Variants in METTL22 observed in about 807,000 individuals in gnomAD.
The protein encoded by METTL22 is methyltransferase 22, Kin17 lysine.
Under a neutral mutation model 48.4 loss-of-function variants are expected in METTL22, and 51 were observed. The observed-to-expected ratio is 1.05, with a 90% CI of 0.84 to 1.33. The LOEUF is 1.33. Ranked by LOEUF, METTL22 falls within the 40% of genes most tolerant of loss-of-function variation. METTL22 has a pLI of 0.00. For missense variants in METTL22, 678 were observed against 526.9 expected (o/e 1.29, Z -2.81); for synonymous variants, 255 against 214.1 (o/e 1.19, Z -1.67).
At chr16:8,633,323 G>T (rs984767932) in intron 3 of METTL22, among the ~76,000 whole-genome samples, 3 of 152,212 alleles carry the variant, frequency 2.0e-5, no homozygotes, top group Middle Eastern at 3.4e-3. Context: ...AGAAAAGGCC[G>T]GGCACGGTGG....
the METTL22 span, among the ~76,000 whole-genome samples, chr16:8,654,968 C>T: frequency 6.6e-6 from 1 of 152,102 alleles, no homozygotes. Flanking sequence ...TGAAGGTGGA[C>T]ATAAATCCAG....
chr16:8,651,403 A>AAAAAAAAAAAAAAAAAAAAAAAAT, downstream of METTL22, among the ~76,000 whole-genome samples: 1 of 149,992 alleles, frequency 6.7e-6, no homozygotes, highest in African/African-American at 2.5e-5. Flanking sequence ...AAAAAAAAAA[A>AAAAAAAAAAAAAAAAAAAAAAAAT]CATACTAAAT....
chr16:8,655,447 A>C, the METTL22 span, among the ~76,000 whole-genome samples: 2 of 152,210 alleles, frequency 1.3e-5, no homozygotes, highest in African/African-American at 4.8e-5. Context: ...AGGACATGAC[A>C]GCAGCTTTCT....
rs1292319743 is a variant in METTL22, at chr16:8,644,672, C to T, written c.1126C>T (p.Pro376Ser). ...ADGKLRFVVE[P>S]VEASFPQLLV... The stretch of plus-strand genomic sequence containing the variant: ...TGGCAAGCTGCGCTTCGTGGTGGAG[C>T]CCGTGGAGGCCTCCTTCCCACAGCT... Residue 376 changes from proline to serine, a missense_variant, in exon 10 of 11, where the codon CCC becomes TCC. Physicochemically the swap from Pro to Ser is moderately conservative, Grantham distance 74 (BLOSUM62 -1). Transcript: ENST00000381920. 1 of 1,605,466 alleles carries T rather than the reference C, an allele frequency of 6.2e-7. No individual in the cohort carries two copies. The highest frequency in any genetic ancestry group is 2.3e-5 in the East Asian group (1 of 44,314).
chr16:8,634,960 G>A, intron 3 of METTL22, 79 bp from the exon 4 acceptor site: 1 of 1,585,074 alleles, frequency 6.3e-7, no homozygotes, highest in South Asian at 1.1e-5. Context: ...GCTGGCGGTT[G>A]CCACACTGTC....
At chr16:8,657,895 C>T in the METTL22 span, among the ~76,000 whole-genome samples, 1 of 149,264 alleles carries the variant, frequency 6.7e-6, no homozygotes, top group Non-Finnish European at 1.5e-5. Context: ...TAGCTCAGTG[C>T]AGCCTCAACC....
chr16:8,660,868 GGAGGAGGAA>G, the METTL22 span, among the ~76,000 whole-genome samples: 1,041 of 32,768 alleles, frequency 0.032, 263 homozygotes, highest in Non-Finnish European at 0.035. Flanking sequence ...AAGAGGAGGA[GGAGGAGGAA>G]GAGGAGGAGG....
At chr16:8,627,404 G>T (rs922762055) in intron 2 of METTL22, among the ~76,000 whole-genome samples, 1 of 152,000 alleles carries the variant, frequency 6.6e-6, no homozygotes, top group African/African-American at 2.4e-5. Flanking sequence ...ACAAGGCCAG[G>T]GAGAAAACAC....
intron 8 of METTL22, 100 bp downstream of exon 8, chr16:8,642,307 C>G: frequency 1.6e-6 from 2 of 1,272,288 alleles, no homozygotes; most frequent in South Asian, 2.4e-5. Context: ...TTAGAAGTGA[C>G]TTTCTGGTAC....
rs781436977 is a variant in METTL22 at position 8,628,911 on chromosome 16, C to G, written c.315C>G (p.Asp105Glu). ...GTTTCTCCCTCCAGGCCGGGACTGA[C>G]ACCACTGGCCAGGAAGTGGCTGAAG... The part of the protein sequence containing the change: ...NEGFSLQAGT[D>E]TTGQEVAEAQ... Residue 105 changes from aspartate (D) to glutamate (E), a missense_variant, in exon 3 of 11, where the codon GAC becomes GAG. Coordinates refer to ENST00000381920, the MANE Select transcript of METTL22 (RefSeq NM_024109.4). The G allele has an allele frequency of 1.1e-5, 18 of 1,613,904 alleles. No homozygotes were observed. Among genetic ancestry groups the G allele is most frequent in the Middle Eastern group, 1.6e-4 (1 of 6,084 alleles).
chr16:8,661,644 C>CAAAA, the METTL22 span, among the ~76,000 whole-genome samples: 2,681 of 110,340 alleles, frequency 0.024, 257 homozygotes, highest in African/African-American at 0.096. Context: ...GACTCCGTCT[C>CAAAA]AAAAAAAAAA....
chr16:8,638,805 T>G (rs1306710347), intron 5 of METTL22, among the ~76,000 whole-genome samples: 3 of 152,178 alleles, frequency 2.0e-5, no homozygotes, highest in African/African-American at 7.2e-5. Context: ...ACTAGGGAAG[T>G]GCACGCGTGT....
chr16:8,626,385 C>A (rs974607568), intron 2 of METTL22, among the ~76,000 whole-genome samples: 1 of 151,910 alleles, frequency 6.6e-6, no homozygotes, highest in African/African-American at 2.4e-5. Flanking sequence ...CAAACTTTGC[C>A]GTCAGCAAGC....
rs113049358 is a variant in METTL22 at position 8,648,641 on chromosome 16, A to G, written c.*2498A>G. ...AAACTCCATCTCAAAAAAAAAAAAA[A>G]GCCAGGCGTAGTGGCTAACGCCTGT... On this transcript the variant is annotated 3_prime_UTR_variant, in exon 11 of 11. Coordinates refer to ENST00000381920, the MANE Select transcript of METTL22 (RefSeq NM_024109.4). The G allele has an allele frequency of 1.2e-4, 18 of 153,930 alleles. 2 individuals are homozygous for G. Among genetic ancestry groups the G allele is most frequent in the African/African-American group, 3.9e-4 (16 of 41,544 alleles). The allele number at this position is 153,930 out of a possible 1,614,324, so 9.5% of individuals were successfully genotyped here.
downstream of METTL22, among the ~76,000 whole-genome samples, chr16:8,649,822 AAAAAC>A (rs58127272): frequency 0.98 from 149,509 of 152,072 alleles, 73,551 homozygotes; most frequent in Middle Eastern, 1. Flanking sequence ...ATTAAAAAAA[AAAAAC>A]CATTAGTGAA....
downstream of METTL22, among the ~76,000 whole-genome samples, chr16:8,654,000 G>C (rs915902074): frequency 6.6e-6 from 1 of 152,048 alleles, no homozygotes; most frequent in South Asian, 2.1e-4. Context: ...CTCCAGACTG[G>C]GTGTCAGAGC....
At chr16:8,626,253 C>A (rs1309327146) in intron 2 of METTL22, among the ~76,000 whole-genome samples, 3 of 152,108 alleles carry the variant, frequency 2.0e-5, no homozygotes, top group Non-Finnish European at 4.4e-5. Context: ...CCTCTTGAGT[C>A]CCTGGGATTA....
chr16:8,644,336 T>C, intron 9 of METTL22: 1 of 421,990 alleles, frequency 2.4e-6, no homozygotes, highest in Non-Finnish European at 4.3e-6. Flanking sequence ...TTTCTGAGCC[T>C]GTTTCCACAT....
At chr16:8,635,413 A>ACG in intron 5 of METTL22, 101 bp downstream of exon 5, 1 of 1,409,256 alleles carries the variant, frequency 7.1e-7, no homozygotes, top group Non-Finnish European at 9.3e-7. Context: ...ATTGGATGTT[A>ACG]GCTGTTGTTG....
Sources: gnomAD v4.1 joint callset for allele counts (sites outside exome capture counted in the v4.1 genomes callset) on GRCh38, gnomAD v4.1.1 for gene constraint, MANE v1.5 for transcripts, NCBI Gene and HGNC (gene_info 2026-07-23, HGNC 2026-07-21) for gene names.